The following COL25A1 variants were observed in gnomAD, a reference collection of about 807,000 sequenced individuals.
The protein encoded by COL25A1 is collagen alpha-1(XXV) chain.
A neutral mutation model predicts 128.4 loss-of-function variants in COL25A1; 103 were observed. That is an observed-to-expected ratio of 0.80 (90% confidence interval 0.68 to 0.94). The LOEUF (loss-of-function observed/expected upper bound fraction) is 0.94. Among genes scored for constraint, COL25A1 ranks in the 40% least tolerant of loss-of-function variants. COL25A1 has a pLI of 0.00. For missense variants in COL25A1, 745 were observed against 840.0 expected (o/e 0.89, Z 1.40); for synonymous variants, 279 against 277.2 (o/e 1.01, Z -0.06).
intron 18 of COL25A1, among the ~76,000 whole-genome samples, chr4:108,886,459 TG>T (rs1740789534): frequency 9.0e-6 from 1 of 111,470 alleles, no homozygotes; most frequent in African/African-American, 3.1e-5. Flanking sequence ...TGTGTGTGTG[TG>T]TGTGTGTGTG....
chr4:109,043,380 CA>C (rs1370558609), intron 5 of COL25A1, among the ~76,000 whole-genome samples: 1 of 151,940 alleles, frequency 6.6e-6, no homozygotes, highest in Non-Finnish European at 1.5e-5. Flanking sequence ...TTAACTTGGC[CA>C]AGTCTGCTTC....
At chr4:108,955,207 C>A (rs28479645) in intron 8 of COL25A1, among the ~76,000 whole-genome samples, 6,606 of 152,060 alleles carry the variant, frequency 0.043, 361 homozygotes, top group African/African-American at 0.13. Context: ...GCAAGTAAGA[C>A]ACATTAAAGA....
At chr4:108,995,933 C>A (rs1456604480) in intron 6 of COL25A1, among the ~76,000 whole-genome samples, 2 of 152,100 alleles carry the variant, frequency 1.3e-5, no homozygotes, top group Non-Finnish European at 2.9e-5. Flanking sequence ...GATTTTGTCA[C>A]CACCAGGCCT....
chr4:109,078,696 C>A (rs188516644), intron 3 of COL25A1, among the ~76,000 whole-genome samples: 1 of 152,154 alleles, frequency 6.6e-6, no homozygotes, highest in African/African-American at 2.4e-5. Context: ...TGTTAAAATC[C>A]ATAGGGGAAA....
In COL25A1 at chr4:108,889,203, T is replaced by C; in HGVS notation, c.975+18A>G. On this transcript the variant is annotated intron_variant, in intron 18 of 37. Coordinates refer to ENST00000399132, the MANE Select transcript of COL25A1 (RefSeq NM_198721.4). ...TGAATATGAGACAGTAGGAACACACTAGAGATAGAGATATTACCTTTTGCC... is the reference window on the plus strand; with the variant it reads ...TGAATATGAGACAGTAGGAACACACCAGAGATAGAGATATTACCTTTTGCC... 3 of 1,609,086 alleles carry C rather than the reference T, an allele frequency of 1.9e-6. No homozygotes were observed. The South Asian group carries it at 3.3e-5, about 18-fold the overall frequency.
intron 3 of COL25A1, among the ~76,000 whole-genome samples, chr4:109,158,549 G>C (rs1254224010): frequency 2.6e-5 from 4 of 152,096 alleles, no homozygotes; most frequent in African/African-American, 9.7e-5. Context: ...AATATTCTAG[G>C]AGCAAATCTG....
intron 3 of COL25A1, among the ~76,000 whole-genome samples, chr4:109,116,213 G>T (rs1263170059): frequency 6.6e-6 from 1 of 151,984 alleles, no homozygotes; most frequent in Non-Finnish European, 1.5e-5. Context: ...CCAGGGGCTC[G>T]CAGTGAATAC....
At chr4:108,912,795 A>G (rs1744388092) in intron 13 of COL25A1, among the ~76,000 whole-genome samples, 1 of 152,196 alleles carries the variant, frequency 6.6e-6, no homozygotes, top group Non-Finnish European at 1.5e-5. Context: ...TTCTCTAAAT[A>G]TACTTACAAT....
chr4:109,026,029 C>A (rs1758234742), intron 5 of COL25A1, among the ~76,000 whole-genome samples: 1 of 151,468 alleles, frequency 6.6e-6, no homozygotes, highest in Non-Finnish European at 1.5e-5. Flanking sequence ...AGCAGTCATT[C>A]TTAGCCCTCT....
At chr4:109,141,626 A>T (rs1299383807) in intron 3 of COL25A1, among the ~76,000 whole-genome samples, 1 of 152,190 alleles carries the variant, frequency 6.6e-6, no homozygotes, top group East Asian at 1.9e-4. Context: ...CTATTGGTCT[A>T]TTCAGGGATT....
At chr4:109,138,491 G>T (rs1251846786) in intron 3 of COL25A1, among the ~76,000 whole-genome samples, 1 of 151,976 alleles carries the variant, frequency 6.6e-6, no homozygotes. Context: ...TAATCCTTTG[G>T]GTATATACCC....
In COL25A1 at chr4:109,211,296, A is replaced by ATATGAAAC. The variant is rs1560874832; in HGVS notation, c.367+89286_367+89287insGTTTCATA. Among the ~76,000 whole-genome samples, 55 of 44,674 alleles carry ATATGAAAC rather than the reference A, an allele frequency of 1.2e-3. No homozygotes were observed. The South Asian group carries it at 0.018, about 14-fold the overall frequency. The allele number at this position is 44,674 out of a possible 152,430, so 29.3% of individuals were successfully genotyped here. The stretch of plus-strand genomic sequence containing the variant: ...AAACTATATATATATGAAACTATAT[A>ATATGAAAC]TATATATATATATATATATATATAT... On this transcript the variant is annotated intron_variant, in intron 3 of 37. Transcript: ENST00000399132.
chr4:108,879,350 T>C (rs1324250421), intron 19 of COL25A1, among the ~76,000 whole-genome samples: 3 of 151,622 alleles, frequency 2.0e-5, no homozygotes, highest in Non-Finnish European at 4.4e-5. Context: ...TGATTTCATA[T>C]GTTTTTTACT....
At chr4:108,970,570 CA>C (rs1751804954) in intron 8 of COL25A1, among the ~76,000 whole-genome samples, 1 of 152,082 alleles carries the variant, frequency 6.6e-6, no homozygotes. Context: ...TTGGTGAGAA[CA>C]CAATGTACTC....
At chr4:108,995,122 C>T (rs558224133) in intron 6 of COL25A1, among the ~76,000 whole-genome samples, 5 of 152,234 alleles carry the variant, frequency 3.3e-5, no homozygotes, top group East Asian at 1.9e-4. Context: ...ATGAGTTTGA[C>T]GAGTTAACAG....
rs184838516 is a variant in COL25A1 at position 108,811,362 on chromosome 4, T to C, written c.*2565A>G. The C allele has an allele frequency of 3.3e-5, 5 of 152,246 alleles. No homozygotes were observed. The highest frequency in any genetic ancestry group is 1.3e-4 in the Admixed American group (2 of 15,282). 9.4% of individuals were successfully genotyped at this position (152,246 alleles called of 1,614,324 possible). A position where few individuals can be genotyped will look rare whatever the true frequency, so the allele number is the denominator to read the frequency against. ...AATAAGTTGATGTTGTCAAATCAGTTATAGAGCAAAAACTCAATATACACA... is the reference window on the plus strand; with the variant it reads ...AATAAGTTGATGTTGTCAAATCAGTCATAGAGCAAAAACTCAATATACACA... On this transcript the variant is annotated 3_prime_UTR_variant, in exon 38 of 38. Transcript: ENST00000399132.
At chr4:108,918,663 G>A (rs939356942) in intron 12 of COL25A1, among the ~76,000 whole-genome samples, 1 of 152,200 alleles carries the variant, frequency 6.6e-6, no homozygotes, top group Non-Finnish European at 1.5e-5. Context: ...GGCCCATGTC[G>A]CAAACTCAAA....
intron 6 of COL25A1, among the ~76,000 whole-genome samples, chr4:109,001,254 G>GA (rs1333603042): frequency 2.7e-5 from 4 of 149,094 alleles, no homozygotes; most frequent in Non-Finnish European, 6.0e-5. Context: ...TACAGATACA[G>GA]AAAAAAAGCT....
intron 24 of COL25A1, among the ~76,000 whole-genome samples, 185 bp from the exon 25 acceptor site, chr4:108,853,110 A>G (rs1176347566): frequency 6.6e-6 from 1 of 152,192 alleles, no homozygotes; most frequent in Non-Finnish European, 1.5e-5. Flanking sequence ...GAGATTTTTT[A>G]AAAATTATTT....
Sources: gnomAD v4.1 joint callset for allele counts (sites outside exome capture counted in the v4.1 genomes callset) on GRCh38, gnomAD v4.1.1 for gene constraint, MANE v1.5 for transcripts, NCBI Gene and HGNC (gene_info 2026-07-23, HGNC 2026-07-21) for gene names.